The following RABGAP1L variants were observed in gnomAD, a reference collection of about 807,000 sequenced individuals.
The protein encoded by RABGAP1L is RAB GTPase activating protein 1 like.
RABGAP1L carries 63 observed loss-of-function variants against 137.7 expected under a neutral mutation model. The observed-to-expected ratio is 0.46, with a 90% CI of 0.37 to 0.56. The LOEUF is 0.56. Ranked by LOEUF, RABGAP1L falls within the 20% of genes least tolerant of loss-of-function variation. The pLI, the probability that RABGAP1L is intolerant of heterozygous loss-of-function variation, is 0.00. For synonymous variants in RABGAP1L, 431 were observed against 433.7 expected, an observed-to-expected ratio of 0.99 and a Z score of 0.08; for missense variants, 1,095 against 1,244.0, an observed-to-expected ratio of 0.88 and a Z score of 1.80.
chr1:174,618,182 G>T (rs1039532595), intron 13 of RABGAP1L, among the ~76,000 whole-genome samples: 3 of 152,182 alleles, frequency 2.0e-5, no homozygotes, highest in African/African-American at 7.2e-5. Flanking sequence ...AGCTTAAGGA[G>T]GCCTGCTTAC....
chr1:174,773,605 G>A (rs908083095), intron 18 of RABGAP1L, among the ~76,000 whole-genome samples: 2 of 152,192 alleles, frequency 1.3e-5, no homozygotes, highest in South Asian at 4.1e-4. Context: ...TGGTTGAATA[G>A]GATAGAAGCA....
At chr1:174,499,914 A>G (rs1422596668) in intron 13 of RABGAP1L, among the ~76,000 whole-genome samples, 1 of 152,182 alleles carries the variant, frequency 6.6e-6, no homozygotes, top group Admixed American at 6.5e-5. Context: ...TTAGACCCTA[A>G]TAACTTCTAA....
At chr1:174,981,544 T>C (rs1212047311) in intron 23 of RABGAP1L, among the ~76,000 whole-genome samples, 1 of 146,580 alleles carries the variant, frequency 6.8e-6, no homozygotes, top group Non-Finnish European at 1.5e-5. Flanking sequence ...TCCCCTGTTT[T>C]TCCATCTTTT....
intron 19 of RABGAP1L, among the ~76,000 whole-genome samples, chr1:174,952,525 G>A (rs1284885470): frequency 2.0e-5 from 3 of 151,356 alleles, no homozygotes; most frequent in African/African-American, 7.3e-5. Context: ...AAAAAAAAAT[G>A]ATGATTGAGT....
chr1:174,629,585 C>A (rs866278498), intron 13 of RABGAP1L, among the ~76,000 whole-genome samples: 5 of 152,174 alleles, frequency 3.3e-5, no homozygotes, highest in Middle Eastern at 3.4e-3. Context: ...CCCAGTGGCA[C>A]GATCTCGGCT....
At chr1:174,926,260 T>G (rs1214432900) in intron 19 of RABGAP1L, among the ~76,000 whole-genome samples, 1 of 152,182 alleles carries the variant, frequency 6.6e-6, no homozygotes, top group Non-Finnish European at 1.5e-5. Context: ...TTCACTATTC[T>G]TGGTCCTTTT....
intron 13 of RABGAP1L, among the ~76,000 whole-genome samples, chr1:174,611,430 C>G (rs1422798294): frequency 6.6e-6 from 1 of 151,606 alleles, no homozygotes; most frequent in Non-Finnish European, 1.5e-5. Flanking sequence ...TCTTTTGGTA[C>G]CACTACCATG....
chr1:174,702,078 C>CG, intron 16 of RABGAP1L, 35 bp from the exon 17 acceptor site: 1 of 1,593,502 alleles, frequency 6.3e-7, no homozygotes, highest in Non-Finnish European at 8.5e-7. Context: ...CTGCAAGCTT[C>CG]TCATTGCTCC....
intron 14 of RABGAP1L, among the ~76,000 whole-genome samples, chr1:174,655,572 C>T (rs1192256593): frequency 2.6e-5 from 4 of 152,266 alleles, no homozygotes; most frequent in Middle Eastern, 3.4e-3. Context: ...TAAGGTGTGT[C>T]TACCAGGCTA....
intron 13 of RABGAP1L, among the ~76,000 whole-genome samples, chr1:174,595,864 G>T (rs1669849738): frequency 9.5e-6 from 1 of 105,728 alleles, no homozygotes. Context: ...AGGCCTCCTT[G>T]AGCTGTGGTG....
chr1:174,197,281 G>A (rs1667759366), intron 1 of RABGAP1L, among the ~76,000 whole-genome samples: 1 of 152,224 alleles, frequency 6.6e-6, no homozygotes, highest in South Asian at 2.1e-4. Context: ...TTAAACCCAA[G>A]TGTCTGACTC....
At chr1:174,327,992 T>G (rs1024266222) in intron 11 of RABGAP1L, among the ~76,000 whole-genome samples, 1 of 57,614 alleles carries the variant, frequency 1.7e-5, no homozygotes, top group Admixed American at 1.5e-4. Context: ...CACACATATA[T>G]ATATATATAT....
intron 24 of RABGAP1L, among the ~76,000 whole-genome samples, chr1:174,987,873 G>A (rs1222181690): frequency 6.6e-6 from 1 of 152,020 alleles, no homozygotes; most frequent in Non-Finnish European, 1.5e-5. Context: ...GCAGTGGCGC[G>A]ATCTCGGCTC....
intron 19 of RABGAP1L, among the ~76,000 whole-genome samples, chr1:174,863,113 C>G (rs759566924): frequency 2.7e-5 from 4 of 149,222 alleles, no homozygotes; most frequent in African/African-American, 9.9e-5. Flanking sequence ...AGGCTGATCT[C>G]GAATTCCTGA....
At chr1:174,709,764 C>A (rs534839009) in intron 17 of RABGAP1L, among the ~76,000 whole-genome samples, 1 of 152,256 alleles carries the variant, frequency 6.6e-6, no homozygotes, top group South Asian at 2.1e-4. Context: ...ACCAGAATGC[C>A]TCTTCTCCAA....
At chr1:174,740,326 G>A (rs1267767131) in intron 17 of RABGAP1L, among the ~76,000 whole-genome samples, 4 of 152,094 alleles carry the variant, frequency 2.6e-5, no homozygotes, top group African/African-American at 9.7e-5. Flanking sequence ...ATAAATGGAT[G>A]AGGACAGAAG....
At chr1:174,848,784 T>C (rs1178107276) in intron 19 of RABGAP1L, among the ~76,000 whole-genome samples, 1 of 150,774 alleles carries the variant, frequency 6.6e-6, no homozygotes, top group African/African-American at 2.5e-5. Flanking sequence ...CTGCTTTGTT[T>C]ACCTAAGCAA....
intron 11 of RABGAP1L, among the ~76,000 whole-genome samples, chr1:174,319,516 A>T (rs988437852): frequency 6.6e-6 from 1 of 152,080 alleles, no homozygotes; most frequent in Non-Finnish European, 1.5e-5. Context: ...TTCCTTCTCA[A>T]TCTGCATAGC....
chr1:174,634,495 A>T (rs1158744613), intron 13 of RABGAP1L, among the ~76,000 whole-genome samples: 1 of 142,278 alleles, frequency 7.0e-6, no homozygotes, highest in Non-Finnish European at 1.5e-5. Flanking sequence ...AGGGATCTAG[A>T]ACTAGAAATA....
Sources: gnomAD v4.1 joint callset for allele counts (sites outside exome capture counted in the v4.1 genomes callset) on GRCh38, gnomAD v4.1.1 for gene constraint, MANE v1.5 for transcripts, NCBI Gene and HGNC (gene_info 2026-07-23, HGNC 2026-07-21) for gene names.